Variants in SAMD4A observed in about 807,000 individuals in gnomAD.
SAMD4A encodes the protein sterile alpha motif domain containing 4A, also known as protein Smaug homolog 1.
Under a neutral mutation model 81.3 loss-of-function variants are expected in SAMD4A, and 33 were observed. The ratio of observed to expected loss-of-function variants is 0.41; its 90% CI spans 0.31 to 0.54. The LOEUF is 0.54. Ranked by LOEUF, SAMD4A falls within the 20% of genes least tolerant of loss-of-function variation. The pLI is 0.37. For missense variants in SAMD4A, 854 were observed against 951.1 expected, an observed-to-expected ratio of 0.90 and a Z score of 1.34; for synonymous variants, 389 against 382.1, an observed-to-expected ratio of 1.02 and a Z score of -0.21.
chr14:54,739,995 CCCTT>C (rs2037806029), intron 4 of SAMD4A, among the ~76,000 whole-genome samples: 1 of 152,140 alleles, frequency 6.6e-6, no homozygotes, highest in Admixed American at 6.5e-5. Flanking sequence ...CATGGCAGAA[CCCTT>C]TCTCCACTAA....
intron 2 of SAMD4A, among the ~76,000 whole-genome samples, chr14:54,571,038 A>G (rs1041734772): frequency 3.5e-4 from 54 of 152,248 alleles, no homozygotes; most frequent in African/African-American, 1.3e-3. Flanking sequence ...ATAATAAAAA[A>G]AAATTACTAG....
chr14:54,764,360 T>A, intron 7 of SAMD4A, 95 bp from the exon 8 acceptor site: 1 of 819,816 alleles, frequency 1.2e-6, no homozygotes, highest in Middle Eastern at 2.3e-4. Flanking sequence ...CACACATACC[T>A]CTCAGAGTGT....
chr14:54,718,754 A>G (rs2037185801), intron 3 of SAMD4A, among the ~76,000 whole-genome samples: 2 of 152,124 alleles, frequency 1.3e-5, no homozygotes, highest in Admixed American at 6.6e-5. Flanking sequence ...CTGTAATCCC[A>G]GCACTTTGGG....
intron 2 of SAMD4A, among the ~76,000 whole-genome samples, chr14:54,648,076 C>T (rs1018181077): frequency 3.3e-5 from 5 of 152,176 alleles, no homozygotes; most frequent in African/African-American, 4.8e-5. Flanking sequence ...TTGCAATAGC[C>T]ACATGTGGAC....
chr14:54,574,845 T>C (rs2033241487), intron 2 of SAMD4A, among the ~76,000 whole-genome samples: 1 of 152,170 alleles, frequency 6.6e-6, no homozygotes, highest in Non-Finnish European at 1.5e-5. Context: ...CTTTGGAATC[T>C]TGTACTGAAA....
At chr14:54,697,349 A>G (rs1263629533) in intron 2 of SAMD4A, among the ~76,000 whole-genome samples, 2 of 152,220 alleles carry the variant, frequency 1.3e-5, no homozygotes, top group African/African-American at 4.8e-5. Context: ...ATCAGCACAC[A>G]TTGTCCTTGT....
At chr14:54,637,289 C>T (rs1352279880) in intron 2 of SAMD4A, among the ~76,000 whole-genome samples, 2 of 135,946 alleles carry the variant, frequency 1.5e-5, no homozygotes, top group Non-Finnish European at 3.0e-5. Flanking sequence ...TGCTTGAACC[C>T]GGGAGGTGGA....
chr14:54,656,962 G>T (rs1165390456), intron 2 of SAMD4A, among the ~76,000 whole-genome samples: 1 of 151,232 alleles, frequency 6.6e-6, no homozygotes, highest in Non-Finnish European at 1.5e-5. Flanking sequence ...CCACTGACAT[G>T]ATTTTTTTTT....
chr14:54,626,100 G>T (rs530838388), intron 2 of SAMD4A, among the ~76,000 whole-genome samples: 9 of 151,710 alleles, frequency 5.9e-5, no homozygotes, highest in African/African-American at 2.2e-4. Context: ...GCATGCATGA[G>T]GGACAGAAAG....
At chr14:54,670,063 A>G (rs969184283) in intron 2 of SAMD4A, among the ~76,000 whole-genome samples, 9 of 152,158 alleles carry the variant, frequency 5.9e-5, no homozygotes, top group Non-Finnish European at 1.2e-4. Context: ...TGGCCCAACT[A>G]AGACAACTTT....
intron 11 of SAMD4A, among the ~76,000 whole-genome samples, chr14:54,781,637 C>T (rs1313786977): frequency 6.6e-6 from 1 of 152,222 alleles, no homozygotes; most frequent in African/African-American, 2.4e-5. Flanking sequence ...TGAAGACTCA[C>T]ATCTCCATCT....
Position 54,761,847 on chromosome 14 carries a change from C to T in SAMD4A, c.1510+1353C>T, listed in dbSNP as rs180904787. On this transcript the variant is annotated intron_variant, in intron 7 of 12. Coordinates refer to ENST00000554335, the MANE Select transcript of SAMD4A (RefSeq NM_015589.6). ...GAGGTACCCCCTTTCACCTGCCCCA[C>T]GTCCCCCTTTACTTTCCTTGTCTTA... is the stretch of plus-strand genomic sequence containing the variant. Among the ~76,000 whole-genome samples, 6 of 152,328 alleles carry T rather than the reference C, an allele frequency of 3.9e-5. No homozygotes were observed. In the South Asian group the frequency reaches 8.3e-4, roughly 21 times the overall value.
intron 4 of SAMD4A, among the ~76,000 whole-genome samples, chr14:54,737,806 C>T (rs1386850996): frequency 6.6e-6 from 1 of 151,946 alleles, no homozygotes; most frequent in Non-Finnish European, 1.5e-5. Flanking sequence ...AACCTTTAAA[C>T]CCTTTCCTCT....
chr14:54,623,489 A>C (rs2034669261), intron 2 of SAMD4A, among the ~76,000 whole-genome samples: 1 of 38,726 alleles, frequency 2.6e-5, no homozygotes, highest in Non-Finnish European at 5.4e-5. Flanking sequence ...TCAGCAAAAA[A>C]AAAAAAAAAA....
Position 54,567,861 on chromosome 14 carries a change from G to C in SAMD4A, c.-56G>C. ...GCGGCTCCGCCAAACTTTGGGGCGG[G>C]CGGGGCGGGCTGGGGCGCCCAGGGG... On this transcript the variant is annotated 5_prime_UTR_variant, in exon 2 of 13. Transcript: ENST00000554335. The C allele has an allele frequency of 9.7e-6, 15 of 1,549,706 alleles. No homozygotes were observed. The highest frequency in any genetic ancestry group is 1.2e-5 in the Non-Finnish European group (14 of 1,156,572).
At chr14:54,624,692 C>G (rs1471519661) in intron 2 of SAMD4A, among the ~76,000 whole-genome samples, 2 of 152,144 alleles carry the variant, frequency 1.3e-5, no homozygotes, top group African/African-American at 4.8e-5. Flanking sequence ...ACTTATATGG[C>G]TATACAATTA....
chr14:54,584,244 C>T (rs1181624257), intron 2 of SAMD4A, among the ~76,000 whole-genome samples: 1 of 152,152 alleles, frequency 6.6e-6, no homozygotes, highest in Non-Finnish European at 1.5e-5. Context: ...TAATTATGTG[C>T]CAGACTGACT....
At chr14:54,721,031 T>A (rs1014373062) in intron 3 of SAMD4A, among the ~76,000 whole-genome samples, 2 of 152,204 alleles carry the variant, frequency 1.3e-5, no homozygotes, top group Non-Finnish European at 2.9e-5. Flanking sequence ...TCTCCTGCAT[T>A]CTTTGTCCTC....
At chr14:54,702,603 A>G (rs373333976) in intron 3 of SAMD4A, 23 bp downstream of exon 3, 2 of 1,609,898 alleles carry the variant, frequency 1.2e-6, no homozygotes, top group African/African-American at 2.7e-5. Context: ...GAATCCCTTT[A>G]ACGTAGTCTG....
Sources: allele counts gnomAD v4.1 joint callset (sites outside exome capture counted in the v4.1 genomes callset), GRCh38; gene constraint gnomAD v4.1.1; transcripts MANE v1.5; gene names NCBI Gene and HGNC (gene_info 2026-07-23, HGNC 2026-07-21).